NLRP13: variants seen among roughly 807,000 people sequenced by gnomAD.
NLRP13 encodes the protein NACHT, LRR and PYD domains-containing protein 13.
A neutral mutation model predicts 94.4 loss-of-function variants in NLRP13; 82 were observed. That is an observed-to-expected ratio of 0.87 (90% CI 0.73 to 1.04). The LOEUF (loss-of-function observed/expected upper bound fraction) is 1.04. NLRP13 is among the 50% of genes least tolerant of loss of function. NLRP13 has a pLI of 0.00. For missense variants in NLRP13, 1,426 were observed against 1,230.8 expected, an observed-to-expected ratio of 1.16 and a Z score of -2.37; for synonymous variants, 553 against 464.7, an observed-to-expected ratio of 1.19 and a Z score of -2.45.
chr19:55,923,069 A>G (rs1986873641), intron 4 of NLRP13, among the ~76,000 whole-genome samples: 1 of 152,194 alleles, frequency 6.6e-6, no homozygotes, highest in Non-Finnish European at 1.5e-5. Flanking sequence ...TAGAACTAGA[A>G]TGTATGTTTT....
intron 4 of NLRP13, among the ~76,000 whole-genome samples, chr19:55,918,295 A>T (rs546612013): frequency 2.0e-5 from 3 of 149,040 alleles, no homozygotes; most frequent in South Asian, 4.2e-4. Flanking sequence ...GCTTACATTT[A>T]AAAAAAAATC....
chr19:55,931,383 C>T (rs1445951482), intron 1 of NLRP13, among the ~76,000 whole-genome samples: 2 of 151,876 alleles, frequency 1.3e-5, no homozygotes, highest in East Asian at 1.9e-4. Flanking sequence ...GTTCCCAGTA[C>T]GACAATCACA....
chr19:55,894,043 CTT>C (rs36039690), downstream of NLRP13, among the ~76,000 whole-genome samples: 20 of 112,872 alleles, frequency 1.8e-4, no homozygotes, highest in South Asian at 2.9e-4. Context: ...CATGCCCCAA[CTT>C]TTTTTTTTTT....
intron 4 of NLRP13, among the ~76,000 whole-genome samples, chr19:55,919,517 T>TA: frequency 6.6e-6 from 1 of 152,160 alleles, no homozygotes; most frequent in Middle Eastern, 3.4e-3. Context: ...CATAAAATCT[T>TA]AGTATTAAAA....
chr19:55,915,553 G>A (rs1376750240), intron 4 of NLRP13, among the ~76,000 whole-genome samples: 1 of 152,230 alleles, frequency 6.6e-6, no homozygotes, highest in South Asian at 2.1e-4. Flanking sequence ...GGCCAAGATC[G>A]CACCACTGTA....
chr19:55,915,730 G>C (rs984785922), intron 4 of NLRP13, among the ~76,000 whole-genome samples: 3 of 150,998 alleles, frequency 2.0e-5, no homozygotes, highest in African/African-American at 7.3e-5. Flanking sequence ...AGCCAGCAGA[G>C]ATCAGCTAGG....
In NLRP13 at chr19:55,907,848, A is replaced by G. The variant is rs537430301; in HGVS notation, c.2391T>C (p.Thr797=). The part of the protein sequence containing the change: ...LNFSSNKLGM[T]VPLILKALRH... Reference sequence around the variant, plus strand: ...TCAAAGCTTTAAGAATCAGGGGGACAGTCATTCCCAGCTTGTTAGAGCTGA... The same window carrying G: ...TCAAAGCTTTAAGAATCAGGGGGACGGTCATTCCCAGCTTGTTAGAGCTGA... Residue 797 remains threonine, a synonymous_variant, in exon 7 of 11, where the codon ACT becomes ACC. Transcript: ENST00000342929. 1 of 1,613,942 alleles carries G rather than the reference A, an allele frequency of 6.2e-7. No homozygotes were observed. The highest frequency in any genetic ancestry group is 8.5e-7 in the Non-Finnish European group (1 of 1,179,944).
chr19:55,927,038 A>G (rs1321291541), intron 1 of NLRP13, among the ~76,000 whole-genome samples: 1 of 152,118 alleles, frequency 6.6e-6, no homozygotes, highest in Non-Finnish European at 1.5e-5. Context: ...CAGGAGAAAA[A>G]AAAAACCAAC....
chr19:55,925,286 A>G (rs570352947), intron 1 of NLRP13, among the ~76,000 whole-genome samples: 4 of 152,320 alleles, frequency 2.6e-5, no homozygotes, highest in South Asian at 2.1e-4. Context: ...CTGGATTCCC[A>G]GACATCTGCT....
At chr19:55,927,206 T>C (rs553125290) in intron 1 of NLRP13, among the ~76,000 whole-genome samples, 1 of 151,618 alleles carries the variant, frequency 6.6e-6, no homozygotes, top group East Asian at 1.9e-4. Flanking sequence ...CCATCTCTAA[T>C]AACAACACAA....
At chr19:55,891,994 C>A (rs144185559), downstream of NLRP13, 1 of 824,550 alleles carries the variant, frequency 1.2e-6, no homozygotes, top group South Asian at 6.2e-5. Flanking sequence ...GCATCTAATC[C>A]GTGGGATCAC....
Position 55,912,642 on chromosome 19 carries a change from C to T in NLRP13, c.1175G>A (p.Arg392Gln), listed in dbSNP as rs142141691. 3.0e-4 allele frequency: 489 copies of T among 1,614,154 alleles called. 3 individuals carry two copies. In the African/African-American group the frequency reaches 5.4e-3, roughly 18 times the overall value. Residue 392 changes from arginine (R) to glutamine (Q), a missense_variant, in exon 5 of 11, where the codon CGG becomes CAG. Coordinates refer to ENST00000342929, the MANE Select transcript of NLRP13 (RefSeq NM_176810.2). ...QITGFTGDDL[R>Q]VYFMRHFDDS... The stretch of plus-strand genomic sequence containing the variant: ...ATCAAAGTGTCTCATGAAATATACC[C>T]GTAGGTCGTCCCCTGTGAACCCTGT...
chr19:55,903,434 A>G (rs1484382791), intron 8 of NLRP13, among the ~76,000 whole-genome samples: 2 of 152,050 alleles, frequency 1.3e-5, no homozygotes, highest in Non-Finnish European at 2.9e-5. Flanking sequence ...TCTATTCCAC[A>G]CCTGCACCAG....
chr19:55,922,698 AC>A (rs1233243227), intron 4 of NLRP13, among the ~76,000 whole-genome samples: 1 of 152,216 alleles, frequency 6.6e-6, no homozygotes, highest in Non-Finnish European at 1.5e-5. Context: ...GTAGCATACA[AC>A]CTTCATTCCA....
chr19:55,919,117 A>C (rs2123135032), intron 4 of NLRP13, among the ~76,000 whole-genome samples: 1 of 152,318 alleles, frequency 6.6e-6, no homozygotes, highest in Middle Eastern at 3.4e-3. Context: ...TTAAAAACAA[A>C]AACTATATGA....
Position 55,911,957 on chromosome 19 carries a change from TC to T in NLRP13, c.1859del (p.Gly620GlufsTer4), listed in dbSNP as rs1410409339. The stretch of plus-strand genomic sequence containing the variant: ...CACTTTCAGCCTTACCTAACTCTTC[TC>T]CCCACTTTAATAATTCCTCCATTAC... ...PRVMEELLKWGEELGKAESAS... is the reference protein window; with the variant it reads ...PRVMEELLKWXEELGKAESAS... On this transcript the variant is annotated frameshift_variant, in exon 5 of 11. Transcript: ENST00000342929. LOFTEE classifies it high-confidence loss of function. The T allele has an allele frequency of 6.2e-7, 1 of 1,614,224 alleles. No individual in the cohort carries two copies. The highest frequency in any genetic ancestry group is 1.7e-5 in the Admixed American group (1 of 60,034).
At chr19:55,910,483 G>A (rs1986474271) in intron 6 of NLRP13, 80 bp downstream of exon 6, 5 of 1,349,712 alleles carry the variant, frequency 3.7e-6, no homozygotes, top group African/African-American at 1.4e-5. Flanking sequence ...CTGGCAAATA[G>A]TCAACCACAC....
chr19:55,924,565 A>G (rs370000645), intron 3 of NLRP13, 25 bp downstream of exon 3: 44 of 1,576,532 alleles, frequency 2.8e-5, no homozygotes, highest in Middle Eastern at 1.7e-4. Context: ...CAACCTGTCA[A>G]TTATCAACCA....
chr19:55,929,259 G>A (rs1987044934), intron 1 of NLRP13, among the ~76,000 whole-genome samples: 2 of 152,140 alleles, frequency 1.3e-5, no homozygotes, highest in Admixed American at 6.5e-5. Flanking sequence ...ATTTGACCCA[G>A]CAATCCCATT....
Sources: allele counts gnomAD v4.1 joint callset (sites outside exome capture counted in the v4.1 genomes callset), GRCh38; gene constraint gnomAD v4.1.1; transcripts MANE v1.5; gene names NCBI Gene and HGNC (gene_info 2026-07-23, HGNC 2026-07-21).